The following ERCC6 variants were observed in gnomAD, a reference collection of about 807,000 sequenced individuals.
The protein encoded by ERCC6 is DNA excision repair protein ERCC-6.
A neutral mutation model predicts 158.7 loss-of-function variants in ERCC6; 116 were observed. The observed-to-expected ratio is 0.73, with a 90% CI of 0.63 to 0.85. The LOEUF (loss-of-function observed/expected upper bound fraction) is 0.85, where lower values mean the gene tolerates loss of function less well. ERCC6 is among the 40% of genes least tolerant of loss of function. The probability of loss-of-function intolerance (pLI) is 0.00; values close to 1 mark genes in which losing one functional copy is unlikely to be tolerated. For synonymous variants in ERCC6, 678 were observed against 659.3 expected (o/e 1.03, Z -0.43); for missense variants, 1,698 against 1,799.4 (o/e 0.94, Z 1.02).
chr10:49,458,905 A>G lies in ERCC6; in HGVS notation c.4392T>C (p.Cys1464=), dbSNP rs1456486273. ...GATTTCTCAATAGTTCTCGGAAGAC[A>G]CAAGACTGTGATGCAGATAACTTGG... ...FESKLSASQS[C]VFRELLRNLC... is the part of the protein sequence containing the mutation. Residue 1464 remains cysteine, a synonymous_variant, in exon 21 of 21, where the codon TGT becomes TGC. Transcript: ENST00000355832. 6.2e-7 allele frequency: 1 copy of G among 1,614,230 alleles called. No homozygotes were observed. Among genetic ancestry groups the G allele is most frequent in the Admixed American group, 1.7e-5 (1 of 60,026 alleles).
chr10:49,446,827 A>T, the ERCC6 span, among the ~76,000 whole-genome samples: 5 of 152,346 alleles, frequency 3.3e-5, no homozygotes, highest in South Asian at 6.2e-4. Flanking sequence ...ATAATAATAA[A>T]AATTCAATGG....
rs192375778 is a variant in ERCC6 at position 49,533,904 on chromosome 10, C to T, written c.-14-926G>A. Among the ~76,000 whole-genome samples the T allele has an allele frequency of 1.5e-3, 235 of 152,046 alleles. 3 individuals are homozygous for T. Among genetic ancestry groups the T allele is most frequent in the Middle Eastern group, 3.4e-3 (1 of 294 alleles). On this transcript the variant is annotated intron_variant, in intron 1 of 20. Transcript: ENST00000355832. ...ATCCCAACACTTTGGGAGGCTGAAGCGGGCAGATTACTTAAGGTCAGGTGT... is the reference window on the plus strand; with the variant it reads ...ATCCCAACACTTTGGGAGGCTGAAGTGGGCAGATTACTTAAGGTCAGGTGT...
At chr10:49,519,672 T>G (rs1837095810) in intron 5 of ERCC6, among the ~76,000 whole-genome samples, 1 of 152,202 alleles carries the variant, frequency 6.6e-6, no homozygotes, top group Non-Finnish European at 1.5e-5. Context: ...CCAGAGGCAA[T>G]TATTTGCTGA....
chr10:49,517,840 G>A (rs1299431575), intron 5 of ERCC6, among the ~76,000 whole-genome samples: 2 of 152,092 alleles, frequency 1.3e-5, no homozygotes, highest in Non-Finnish European at 2.9e-5. Context: ...CATTGTGCCC[G>A]GCCAGGCTTA....
rs121917903 is a variant in ERCC6, at chr10:49,532,736, G to A, written c.229C>T (p.Arg77Ter). ...GGCTCTACTGCCTGGATCTGATGTC[G>A]GTCGATGTGCAGCAGGGCTGGCCCT... ...RRGPALLHID[R>*]HQIQAVEPSA... Residue 77 changes from arginine to a stop codon, truncating the protein, a stop_gained, in exon 2 of 21, where the codon CGA (arginine) becomes TGA (stop). Coordinates refer to ENST00000355832, the MANE Select transcript of ERCC6 (RefSeq NM_000124.4). LOFTEE classifies it high-confidence loss of function. 1.1e-5 allele frequency: 17 copies of A among 1,614,084 alleles called. No individual in the cohort carries two copies. The highest frequency in any genetic ancestry group is 2.2e-5 in the East Asian group (1 of 44,890).
chr10:49,507,625 T>G (rs1564432812), intron 5 of ERCC6, among the ~76,000 whole-genome samples: 1 of 152,202 alleles, frequency 6.6e-6, no homozygotes, highest in East Asian at 1.9e-4. Flanking sequence ...AATGCAATGG[T>G]GTACAACAAT....
At chr10:49,443,018 C>A in the ERCC6 span, among the ~76,000 whole-genome samples, 1 of 152,122 alleles carries the variant, frequency 6.6e-6, no homozygotes, top group Non-Finnish European at 1.5e-5. Context: ...TTACTTCTGA[C>A]GCTTGTGCCA....
At chr10:49,476,344 C>CA (rs746671193) in intron 11 of ERCC6, 34 bp from the exon 12 acceptor site, 2,524 of 1,327,790 alleles carry the variant, frequency 1.9e-3, no homozygotes, top group Non-Finnish European at 2.3e-3. Context: ...ACTATAATTT[C>CA]AAAAAAAAAA....
intron 8 of ERCC6, among the ~76,000 whole-genome samples, chr10:49,484,406 C>T (rs1418034907): frequency 1.3e-5 from 2 of 151,800 alleles, no homozygotes. Context: ...GAAAAAGACG[C>T]ATCTGTAGAC....
chr10:49,440,273 ACTT>A, the ERCC6 span, among the ~76,000 whole-genome samples: 2 of 152,224 alleles, frequency 1.3e-5, no homozygotes, highest in Non-Finnish European at 2.9e-5. Context: ...GGTGAAAGGC[ACTT>A]CTTACATGGT....
chr10:49,436,907 C>T, the ERCC6 span, among the ~76,000 whole-genome samples: 17 of 152,124 alleles, frequency 1.1e-4, no homozygotes, highest in African/African-American at 4.1e-4. Context: ...GGAATATTTA[C>T]AAAATGGCAT....
At chr10:49,537,704 A>C (rs1334973006) in intron 1 of ERCC6, among the ~76,000 whole-genome samples, 2 of 152,146 alleles carry the variant, frequency 1.3e-5, no homozygotes, top group East Asian at 3.9e-4. Flanking sequence ...TCTTGCAAGG[A>C]AACAACGTGT....
At position 49,471,011 on chromosome 10, in the gene ERCC6, C is replaced by T. The variant is rs1399462552; in HGVS notation, c.3034G>A (p.Ala1012Thr). Reference sequence around the variant, plus strand: ...GCACTTGTTTCAGTGCTCTGGGATGCATCAGGACTAGTCAGAGTAAATAGC... The same window carrying T: ...GCACTTGTTTCAGTGCTCTGGGATGTATCAGGACTAGTCAGAGTAAATAGC... ...YELFTLTSPD[A>T]SQSTETSAIF... is the part of the protein sequence containing the mutation. The change falls in exon 17 of 21, where the codon GCA becomes ACA. Residue 1012 changes from alanine to threonine, a missense_variant. Ala to Thr is a moderately conservative substitution (Grantham distance 58). Transcript: ENST00000355832. The T allele has an allele frequency of 6.2e-7, 1 of 1,613,898 alleles. No homozygotes were observed. The highest frequency in any genetic ancestry group is 2.2e-5 in the East Asian group (1 of 44,882).
chr10:49,497,852 G>T (rs1206743327), intron 7 of ERCC6, among the ~76,000 whole-genome samples: 1 of 152,116 alleles, frequency 6.6e-6, no homozygotes, highest in Non-Finnish European at 1.5e-5. Context: ...CAACCTGCAG[G>T]ATGGAAATCT....
intron 5 of ERCC6, among the ~76,000 whole-genome samples, chr10:49,520,310 G>C (rs774635843): frequency 2.0e-5 from 3 of 152,156 alleles, no homozygotes; most frequent in Non-Finnish European, 4.4e-5. Context: ...TCTGTGGGTG[G>C]GGAAGCTTTG....
At chr10:49,449,504 G>A (rs528905916), downstream of ERCC6, among the ~76,000 whole-genome samples, 1 of 147,378 alleles carries the variant, frequency 6.8e-6, no homozygotes, top group East Asian at 2.0e-4. Flanking sequence ...CCAAGTTCAT[G>A]AAGATTTACC....
the ERCC6 span, among the ~76,000 whole-genome samples, chr10:49,442,740 T>C: frequency 6.6e-6 from 1 of 152,222 alleles, no homozygotes; most frequent in African/African-American, 2.4e-5. Context: ...AGAATTTCTT[T>C]TGTTCAGATG....
intron 8 of ERCC6, among the ~76,000 whole-genome samples, chr10:49,484,877 C>T (rs1851049957): frequency 6.6e-6 from 1 of 152,128 alleles, no homozygotes; most frequent in African/African-American, 2.4e-5. Flanking sequence ...TAAAAATGTC[C>T]GAAGGCAAAG....
chr10:49,494,882 C>G (rs1851237814), intron 7 of ERCC6, among the ~76,000 whole-genome samples: 1 of 152,222 alleles, frequency 6.6e-6, no homozygotes, highest in Non-Finnish European at 1.5e-5. Flanking sequence ...TCCCTGAAGA[C>G]ATCATTGAGC....
Sources: allele counts gnomAD v4.1 joint callset (sites outside exome capture counted in the v4.1 genomes callset), GRCh38; gene constraint gnomAD v4.1.1; transcripts MANE v1.5; gene names NCBI Gene and HGNC (gene_info 2026-07-23, HGNC 2026-07-21).